The following ROBO2 variants were observed in gnomAD, a reference collection of about 807,000 sequenced individuals.
ROBO2 encodes roundabout homolog 2.
A neutral mutation model predicts 160.8 loss-of-function variants in ROBO2; 53 were observed. That is an observed-to-expected ratio of 0.33 (90% CI 0.26 to 0.41). The LOEUF (loss-of-function observed/expected upper bound fraction) is 0.41. ROBO2 is among the 10% of genes least tolerant of loss of function. The pLI, the probability that ROBO2 is intolerant of heterozygous loss-of-function variation, is 1.00. For missense variants in ROBO2, 1,577 were observed against 1,722.4 expected (o/e 0.92, Z 1.49); for synonymous variants, 664 against 611.7 (o/e 1.09, Z -1.26).
intron 1 of ROBO2, among the ~76,000 whole-genome samples, chr3:77,042,565 G>A (rs530367761): frequency 5.3e-5 from 8 of 152,308 alleles, no homozygotes; most frequent in African/African-American, 1.7e-4. Context: ...GAAATCAGAA[G>A]AGCTTGGTGT....
At chr3:77,532,410 G>T (rs1276227165) in intron 6 of ROBO2, among the ~76,000 whole-genome samples, 1 of 151,932 alleles carries the variant, frequency 6.6e-6, no homozygotes, top group African/African-American at 2.4e-5. Flanking sequence ...CATCCTGTAG[G>T]TAATATTTCT....
chr3:75,984,910 A>T (rs772438233), intron 2 of ROBO2, among the ~76,000 whole-genome samples: 1 of 151,448 alleles, frequency 6.6e-6, no homozygotes, highest in Non-Finnish European at 1.5e-5. Context: ...TACAAGCATG[A>T]TATACACTTG....
chr3:76,539,522 G>C (rs913680561), intron 2 of ROBO2, among the ~76,000 whole-genome samples: 1 of 152,200 alleles, frequency 6.6e-6, no homozygotes, highest in East Asian at 1.9e-4. Context: ...TATCCATCCT[G>C]TTTAAGTAGC....
chr3:77,452,305 T>A (rs1196193784), intron 2 of ROBO2, among the ~76,000 whole-genome samples: 2 of 152,200 alleles, frequency 1.3e-5, no homozygotes, highest in Non-Finnish European at 2.9e-5. Flanking sequence ...CTGCAAAGAT[T>A]TCCAAACTTT....
At chr3:76,445,958 C>A (rs1269345240) in intron 2 of ROBO2, among the ~76,000 whole-genome samples, 1 of 152,148 alleles carries the variant, frequency 6.6e-6, no homozygotes, top group Admixed American at 6.6e-5. Context: ...AAACTGGAAG[C>A]ATTCCCTTTG....
At chr3:77,179,017 G>A (rs972256596) in intron 2 of ROBO2, among the ~76,000 whole-genome samples, 1 of 151,778 alleles carries the variant, frequency 6.6e-6, no homozygotes, top group Non-Finnish European at 1.5e-5. Context: ...TAGGTAGGTA[G>A]GTATGTACTA....
In ROBO2 at chr3:76,893,566, G is replaced by A. The variant is rs192594724; in HGVS notation, c.110-204448G>A. ...ATGTATAACATATTACATATATATG[G>A]GTTATATGCAATATTTTGTTACATG... On this transcript the variant is annotated intron_variant, in intron 2 of 26. Coordinates refer to the ROBO2 transcript ENST00000487694. Among the ~76,000 whole-genome samples the A allele has an allele frequency of 3.2e-3, 487 of 151,082 alleles. 5 individuals are homozygous for A. Among genetic ancestry groups the A allele is most frequent in the African/African-American group, 0.011 (466 of 41,172 alleles).
intron 2 of ROBO2, among the ~76,000 whole-genome samples, chr3:77,446,414 C>G (rs192454171): frequency 2.0e-5 from 3 of 152,176 alleles, no homozygotes; most frequent in Admixed American, 2.0e-4. Context: ...CCACTCAGCT[C>G]CATGCTTGAT....
chr3:76,249,275 A>T (rs1274852135), intron 2 of ROBO2, among the ~76,000 whole-genome samples: 3 of 152,112 alleles, frequency 2.0e-5, no homozygotes, highest in Non-Finnish European at 4.4e-5. Context: ...GTCAAAATGG[A>T]TATTTATACA....
chr3:77,329,835 C>G (rs763960055), intron 2 of ROBO2, among the ~76,000 whole-genome samples: 7 of 152,208 alleles, frequency 4.6e-5, no homozygotes, highest in Middle Eastern at 3.4e-3. Flanking sequence ...GAGGGCGGCA[C>G]AATGACAGAA....
intron 2 of ROBO2, among the ~76,000 whole-genome samples, chr3:77,366,863 T>C (rs1335338724): frequency 1.3e-5 from 2 of 150,470 alleles, no homozygotes; most frequent in Non-Finnish European, 2.9e-5. Context: ...ACTAGTTCTT[T>C]CAGGAATTAA....
chr3:76,836,226 C>T (rs969732878), intron 2 of ROBO2, among the ~76,000 whole-genome samples: 3 of 151,818 alleles, frequency 2.0e-5, no homozygotes, highest in South Asian at 2.1e-4. Flanking sequence ...TTGTTGATTA[C>T]TACTTCCTTA....
intron 2 of ROBO2, among the ~76,000 whole-genome samples, chr3:76,924,778 A>G (rs72631210): frequency 0.14 from 21,527 of 152,272 alleles, 1,762 homozygotes; most frequent in Non-Finnish European, 0.19. Context: ...CCTGATTGGT[A>G]TGTCCCTTCT....
At chr3:77,289,423 T>A (rs1478834323) in intron 2 of ROBO2, among the ~76,000 whole-genome samples, 1 of 150,654 alleles carries the variant, frequency 6.6e-6, no homozygotes, top group African/African-American at 2.5e-5. Flanking sequence ...ACACTGAGGC[T>A]AGATCACCCC....
intron 2 of ROBO2, among the ~76,000 whole-genome samples, chr3:76,692,480 A>G (rs982684051): frequency 6.6e-6 from 1 of 152,092 alleles, no homozygotes. Flanking sequence ...GCTTCTAAAG[A>G]GCATGTTTTC....
intron 2 of ROBO2, among the ~76,000 whole-genome samples, chr3:76,792,288 T>C (rs1384908603): frequency 2.0e-5 from 3 of 151,884 alleles, no homozygotes; most frequent in African/African-American, 7.2e-5. Context: ...TGAGAATGTA[T>C]ACTTAACTGT....
chr3:76,580,996 G>A (rs571345154), intron 2 of ROBO2, among the ~76,000 whole-genome samples: 1 of 152,100 alleles, frequency 6.6e-6, no homozygotes, highest in Non-Finnish European at 1.5e-5. Context: ...AAGCCAAGAA[G>A]TCATTTGCTT....
intron 2 of ROBO2, among the ~76,000 whole-genome samples, chr3:77,338,493 G>A (rs1247670650): frequency 2.0e-5 from 3 of 152,110 alleles, no homozygotes; most frequent in Admixed American, 6.5e-5. Flanking sequence ...AACGCAGAAA[G>A]CAAAACTCAC....
chr3:75,993,976 A>G (rs1469592189), intron 2 of ROBO2, among the ~76,000 whole-genome samples: 2 of 152,032 alleles, frequency 1.3e-5, no homozygotes, highest in African/African-American at 4.8e-5. Context: ...TGCTTTTTTC[A>G]TTCTATTCCT....
Sources: allele counts gnomAD v4.1 joint callset (sites outside exome capture counted in the v4.1 genomes callset), GRCh38; gene constraint gnomAD v4.1.1; transcripts MANE v1.5; gene names NCBI Gene and HGNC (gene_info 2026-07-23, HGNC 2026-07-21).